RGL1: variants seen among roughly 807,000 people sequenced by gnomAD.
The protein encoded by RGL1 is ral guanine nucleotide dissociation stimulator-like 1.
A neutral mutation model predicts 95.2 loss-of-function variants in RGL1; 24 were observed. The ratio of observed to expected loss-of-function variants is 0.25; its 90% CI spans 0.18 to 0.35. The LOEUF is 0.35. Ranked by LOEUF, RGL1 falls within the 10% of genes least tolerant of loss-of-function variation. The pLI is 1.00. For missense variants in RGL1, 715 were observed against 936.3 expected (o/e 0.76, Z 3.08); for synonymous variants, 329 against 344.9 (o/e 0.95, Z 0.51).
chr1:183,705,683 T>G (rs1009064054), intron 1 of RGL1, among the ~76,000 whole-genome samples: 4 of 152,054 alleles, frequency 2.6e-5, no homozygotes, highest in African/African-American at 9.7e-5. Flanking sequence ...ACAGGTGGTG[T>G]TGGAGGGAAT....
intron 16 of RGL1, among the ~76,000 whole-genome samples, chr1:183,920,185 C>T (rs1572606693): frequency 6.6e-6 from 1 of 152,178 alleles, no homozygotes; most frequent in Admixed American, 6.5e-5. Context: ...CAGGCACCCA[C>T]GACCACGCCT....
At chr1:183,815,850 AC>A (rs1662050268) in intron 2 of RGL1, among the ~76,000 whole-genome samples, 1 of 151,904 alleles carries the variant, frequency 6.6e-6, no homozygotes, top group South Asian at 2.1e-4. Context: ...TCTCGTCAGC[AC>A]CCCCACCATC....
intron 1 of RGL1, among the ~76,000 whole-genome samples, chr1:183,673,153 C>G (rs1357336097): frequency 6.6e-6 from 1 of 152,198 alleles, no homozygotes; most frequent in Non-Finnish European, 1.5e-5. Context: ...GAGTATGAGA[C>G]TGAAGCATCA....
intron 2 of RGL1, among the ~76,000 whole-genome samples, chr1:183,771,945 C>T (rs1301528198): frequency 1.3e-5 from 2 of 152,164 alleles, no homozygotes; most frequent in South Asian, 2.1e-4. Context: ...GGGAACACGC[C>T]GGCGGAAGAG....
chr1:183,923,406 T>A (rs1669424675), intron 17 of RGL1, among the ~76,000 whole-genome samples: 1 of 152,244 alleles, frequency 6.6e-6, no homozygotes. Context: ...AGCCTTAGGC[T>A]GTGGGGCAAC....
At chr1:183,805,961 C>CTT (rs1290429659) in intron 1 of RGL1, among the ~76,000 whole-genome samples, 1 of 43,338 alleles carries the variant, frequency 2.3e-5, no homozygotes, top group Non-Finnish European at 4.4e-5. Flanking sequence ...TTTTCTTTTT[C>CTT]TTTTCTTTTC....
chr1:183,683,415 T>C (rs561949130), intron 1 of RGL1, among the ~76,000 whole-genome samples: 6 of 152,356 alleles, frequency 3.9e-5, no homozygotes, highest in East Asian at 1.9e-4. Flanking sequence ...ATTTCTCCTT[T>C]GCTTATGAAG....
chr1:183,897,432 C>G (rs1667763599), intron 9 of RGL1, among the ~76,000 whole-genome samples: 1 of 152,070 alleles, frequency 6.6e-6, no homozygotes, highest in African/African-American at 2.4e-5. Context: ...TCCTCTAATC[C>G]CAGCTACTCG....
intron 2 of RGL1, among the ~76,000 whole-genome samples, chr1:183,768,461 C>CTTTTT (rs71130639): frequency 4.7e-4 from 39 of 83,814 alleles, no homozygotes; most frequent in Non-Finnish European, 6.4e-4. Flanking sequence ...CTTTAGATAA[C>CTTTTT]TTTTTTTTTT....
Position 183,805,187 on chromosome 1 carries a change from T to C in RGL1, c.-111T>C. The C allele has an allele frequency of 6.9e-7, 1 of 1,440,386 alleles. No individual in the cohort carries two copies. Among genetic ancestry groups the C allele is most frequent in the Non-Finnish European group, 9.3e-7 (1 of 1,079,696 alleles). The allele number at this position is 1,440,386 out of a possible 1,614,324, so 89.2% of individuals were successfully genotyped here. On this transcript the variant is annotated 5_prime_UTR_variant, in exon 1 of 18. Coordinates refer to ENST00000360851, the MANE Select transcript of RGL1 (RefSeq NM_001297671.3). ...GCGCGTGTCTGTGCGCTGCGGTCGC[T>C]CGGGACCGGGACCGGGGCGAGGCGC...
At chr1:183,912,310 T>A in intron 15 of RGL1, 42 bp downstream of exon 15, 1 of 1,524,532 alleles carries the variant, frequency 6.6e-7, no homozygotes, top group Non-Finnish European at 9.0e-7. Context: ...TGCAGGCACC[T>A]ACATGCTCTT....
rs138522249 is a variant in RGL1 at position 183,833,837 on chromosome 1, G to A, written c.139-13729G>A. Among the ~76,000 whole-genome samples the A allele has an allele frequency of 1.8e-3, 271 of 152,148 alleles. 1 individual carries two copies. In the Middle Eastern group the frequency reaches 0.024, roughly 13 times the overall value. ...ATGGCTGAGGACTCTATTTTATATCGATTCGGTTAATGGCCCTACCTGCAG... is the reference window on the plus strand; with the variant it reads ...ATGGCTGAGGACTCTATTTTATATCAATTCGGTTAATGGCCCTACCTGCAG... On this transcript the variant is annotated intron_variant, in intron 2 of 17. Coordinates refer to ENST00000360851, the MANE Select transcript of RGL1 (RefSeq NM_001297671.3).
chr1:183,841,026 C>T (rs1247680064), intron 2 of RGL1, among the ~76,000 whole-genome samples: 1 of 152,174 alleles, frequency 6.6e-6, no homozygotes, highest in Non-Finnish European at 1.5e-5. Context: ...ATTTTACTCA[C>T]ATTTTATTGT....
intron 1 of RGL1, among the ~76,000 whole-genome samples, chr1:183,670,922 C>T (rs967596944): frequency 6.6e-5 from 10 of 152,168 alleles, no homozygotes; most frequent in African/African-American, 2.4e-4. Context: ...TTTCATACTT[C>T]TGTAAGAACT....
rs935605194 is a variant in RGL1 at position 183,888,527 on chromosome 1, G to A, written c.1005G>A (p.Leu335=). The A allele has an allele frequency of 6.2e-7, 1 of 1,613,416 alleles. No individual in the cohort carries two copies. The highest frequency in any genetic ancestry group is 8.5e-7 in the Non-Finnish European group (1 of 1,179,432). The change falls in exon 8 of 18, where the codon CTG becomes CTA. Residue 335 remains leucine (L), a synonymous_variant. Transcript: ENST00000360851. ...FSSLRAIVSA[L]QSNSIYRLKK... is the part of the protein sequence containing the mutation. Reference sequence around the variant, plus strand: ...CCTTGAGGGCCATCGTTTCGGCACTGCAGTCTAATTCCATCTATCGGTTAA... The same window carrying A: ...CCTTGAGGGCCATCGTTTCGGCACTACAGTCTAATTCCATCTATCGGTTAA...
At chr1:183,897,260 T>A (rs1032955530) in intron 9 of RGL1, among the ~76,000 whole-genome samples, 1 of 152,166 alleles carries the variant, frequency 6.6e-6, no homozygotes, top group Non-Finnish European at 1.5e-5. Flanking sequence ...CCAGGTGTGG[T>A]GGCTGGCTCA....
intron 1 of RGL1, among the ~76,000 whole-genome samples, chr1:183,684,781 G>A (rs1653462925): frequency 6.6e-6 from 1 of 152,196 alleles, no homozygotes; most frequent in South Asian, 2.1e-4. Flanking sequence ...CGTAGTGTCT[G>A]GGCCAGAGTG....
intron 15 of RGL1, among the ~76,000 whole-genome samples, chr1:183,914,139 CA>C (rs1347710610): frequency 1.3e-5 from 2 of 152,166 alleles, no homozygotes; most frequent in African/African-American, 4.8e-5. Context: ...AGGTATTGCC[CA>C]CATTATTGTG....
intron 2 of RGL1, among the ~76,000 whole-genome samples, chr1:183,808,312 A>G (rs1297532425): frequency 6.6e-6 from 1 of 152,222 alleles, no homozygotes; most frequent in East Asian, 1.9e-4. Context: ...CCTGGATTCA[A>G]CAGTAGATAT....
Sources: gnomAD v4.1 joint callset for allele counts (sites outside exome capture counted in the v4.1 genomes callset) on GRCh38, gnomAD v4.1.1 for gene constraint, MANE v1.5 for transcripts, NCBI Gene and HGNC (gene_info 2026-07-23, HGNC 2026-07-21) for gene names.